Variants in NRG1 observed in about 807,000 individuals in gnomAD.
NRG1 encodes pro-neuregulin-1, membrane-bound isoform.
NRG1 carries 18 observed loss-of-function variants against 63.8 expected under a neutral mutation model. The observed-to-expected ratio is 0.28, with a 90% CI of 0.19 to 0.42. NRG1 has a LOEUF of 0.42. Among genes scored for constraint, NRG1 ranks in the 10% least tolerant of loss-of-function variants. The pLI, the probability that NRG1 is intolerant of heterozygous loss-of-function variation, is 1.00. For synonymous variants in NRG1, 302 were observed against 301.3 expected (o/e 1.00, Z -0.02); for missense variants, 762 against 814.7 (o/e 0.94, Z 0.79).
At chr8:31,979,483 T>G (rs1253856990) in intron 1 of NRG1, among the ~76,000 whole-genome samples, 1 of 152,162 alleles carries the variant, frequency 6.6e-6, no homozygotes, top group Non-Finnish European at 1.5e-5. Flanking sequence ...TCTTACTTCC[T>G]ATATAAAATC....
intron 1 of NRG1, among the ~76,000 whole-genome samples, chr8:32,312,460 C>T (rs757491288): frequency 6.6e-6 from 1 of 151,236 alleles, no homozygotes; most frequent in East Asian, 2.0e-4. Flanking sequence ...CAGGCATGAG[C>T]CACCATGCCT....
At chr8:31,764,970 A>T in intron 1 of NRG1, among the ~76,000 whole-genome samples, 1 of 141,212 alleles carries the variant, frequency 7.1e-6, no homozygotes. Flanking sequence ...ATTCCCACCT[A>T]TGAGTGAGAA....
chr8:32,420,235 T>C lies in NRG1; in HGVS notation c.38-175593T>C, dbSNP rs116449459. ...GGCACATGCTCCTCTTGTGACTTAATGGTGGCTTGTGGCTCCACTTCCCTT... is the reference window on the plus strand; with the variant it reads ...GGCACATGCTCCTCTTGTGACTTAACGGTGGCTTGTGGCTCCACTTCCCTT... On this transcript the variant is annotated intron_variant, in intron 1 of 10. Coordinates refer to the NRG1 transcript ENST00000519301. Among the ~76,000 whole-genome samples the C allele has an allele frequency of 6.9e-3, 1,056 of 152,332 alleles. 14 individuals are homozygous for C. Among genetic ancestry groups the C allele is most frequent in the African/African-American group, 0.023 (969 of 41,580 alleles).
chr8:32,728,222 A>T, intron 6 of NRG1, 144 bp downstream of exon 6: 1 of 1,458,902 alleles, frequency 6.9e-7, no homozygotes, highest in Non-Finnish European at 9.0e-7. Flanking sequence ...GTGTTTTAAA[A>T]CATTCACACC....
intron 1 of NRG1, among the ~76,000 whole-genome samples, chr8:31,996,280 A>G (rs1189190707): frequency 2.0e-5 from 3 of 152,000 alleles, no homozygotes; most frequent in Admixed American, 1.3e-4. Context: ...CAATTAAACA[A>G]AAGTCTATGT....
chr8:32,742,646 T>C lies in NRG1; in HGVS notation c.633-29T>C. ...CCTCTTCTCTTTTTCTCTGTTTTTC[T>C]ACCATTGTTTTTTTGTTTCTTCTCT... is the stretch of plus-strand genomic sequence containing the variant. On this transcript the variant is annotated intron_variant, in intron 6 of 11. Transcript: ENST00000356819. The surrounding 1 kb of genome is among the most constrained non-coding windows in gnomAD (Gnocchi z 4.2). The C allele has an allele frequency of 3.8e-6, 6 of 1,598,540 alleles. No individual in the cohort carries two copies. Among genetic ancestry groups the C allele is most frequent in the Non-Finnish European group, 5.1e-6 (6 of 1,166,292 alleles).
At chr8:32,494,883 T>C (rs1827012569) in intron 1 of NRG1, among the ~76,000 whole-genome samples, 1 of 152,174 alleles carries the variant, frequency 6.6e-6, no homozygotes, top group Non-Finnish European at 1.5e-5. Flanking sequence ...GTATGCGTCA[T>C]AAAGTCACAA....
rs117107669 is a variant in NRG1 at position 32,666,034 on chromosome 8, C to T, written c.502+49149C>T. 8.3e-3 allele frequency among the ~76,000 whole-genome samples: 1,262 copies of T among 152,296 alleles called. 7 individuals are homozygous for T. The highest frequency in any genetic ancestry group is 0.024 in the Middle Eastern group (7 of 294). Reference sequence around the variant, plus strand: ...CAGTTTCCATTACTTCTTGCTGCTGCTGTCTGATCTTGTGTTTCTTGAGGG... The same window carrying T: ...CAGTTTCCATTACTTCTTGCTGCTGTTGTCTGATCTTGTGTTTCTTGAGGG... On this transcript the variant is annotated intron_variant, in intron 5 of 11. Transcript: ENST00000356819.
chr8:32,095,983 A>G (rs1829854355), intron 1 of NRG1, among the ~76,000 whole-genome samples: 2 of 152,178 alleles, frequency 1.3e-5, no homozygotes, highest in South Asian at 4.1e-4. Context: ...GGAGACTTTG[A>G]GCTTGGAGAT....
At chr8:32,225,049 A>T (rs1846183749) in intron 1 of NRG1, among the ~76,000 whole-genome samples, 1 of 152,166 alleles carries the variant, frequency 6.6e-6, no homozygotes, top group East Asian at 1.9e-4. Flanking sequence ...AACATAAAAC[A>T]ATAGGGATTT....
chr8:32,490,356 G>A (rs1467631957), intron 1 of NRG1, among the ~76,000 whole-genome samples: 1 of 151,948 alleles, frequency 6.6e-6, no homozygotes, highest in Non-Finnish European at 1.5e-5. Flanking sequence ...TCAGAAGCCT[G>A]GGGGTGTAGC....
chr8:31,710,344 A>T lies in NRG1; in HGVS notation c.37+70913A>T, dbSNP rs115808624. The stretch of plus-strand genomic sequence containing the variant: ...TATCAATTTTAATAAATATTCCATA[A>T]ATCCATAAATATGGATTGTTGAAAA... On this transcript the variant is annotated intron_variant, in intron 1 of 10. Transcript: ENST00000519301. 6.3e-3 allele frequency among the ~76,000 whole-genome samples: 963 copies of T among 152,022 alleles called. 10 individuals are homozygous for T. Among genetic ancestry groups the T allele is most frequent in the African/African-American group, 0.022 (922 of 41,544 alleles).
intron 1 of NRG1, 133 bp from the exon 2 acceptor site, chr8:32,595,695 T>G: frequency 2.8e-6 from 2 of 706,934 alleles, no homozygotes; most frequent in Non-Finnish European, 4.3e-6. Context: ...TCATCCATTT[T>G]GAAATTGTTT....
chr8:32,618,784 G>A (rs1847821075), intron 5 of NRG1, among the ~76,000 whole-genome samples: 1 of 152,138 alleles, frequency 6.6e-6, no homozygotes, highest in Admixed American at 6.6e-5. Context: ...CCAAAAATGA[G>A]AAACAGTAGA....
rs547304260 is a variant in NRG1 at position 32,359,015 on chromosome 8, G to A, written c.38-236813G>A. On this transcript the variant is annotated intron_variant, in intron 1 of 10. Transcript: ENST00000519301. Reference sequence around the variant, plus strand: ...TTTGTAGATAACCAAAGGAAGAAACGATTGATGCAAGATTTCAGGGAGGGT... The same window carrying A: ...TTTGTAGATAACCAAAGGAAGAAACAATTGATGCAAGATTTCAGGGAGGGT... Among the ~76,000 whole-genome samples, 8 of 152,230 alleles carry A rather than the reference G, an allele frequency of 5.3e-5. No homozygotes were observed. The East Asian group carries it at 1.5e-3, about 29-fold the overall frequency.
intron 1 of NRG1, among the ~76,000 whole-genome samples, chr8:32,085,973 T>A (rs1197075857): frequency 6.6e-6 from 1 of 152,206 alleles, no homozygotes; most frequent in Non-Finnish European, 1.5e-5. Flanking sequence ...AGTCATTCCA[T>A]GCACCGTGCT....
At chr8:32,018,459 C>A (rs1815912283) in intron 1 of NRG1, among the ~76,000 whole-genome samples, 1 of 152,052 alleles carries the variant, frequency 6.6e-6, no homozygotes, top group Non-Finnish European at 1.5e-5. Context: ...AAGGTAATAG[C>A]TATTGTATTT....
At chr8:32,077,752 T>A (rs1826812982) in intron 1 of NRG1, among the ~76,000 whole-genome samples, 1 of 152,198 alleles carries the variant, frequency 6.6e-6, no homozygotes, top group Non-Finnish European at 1.5e-5. Flanking sequence ...GAAGTGAATA[T>A]GCTTAGAATT....
At chr8:32,350,567 T>G (rs539383685) in intron 1 of NRG1, among the ~76,000 whole-genome samples, 72 of 152,278 alleles carry the variant, frequency 4.7e-4, no homozygotes, top group African/African-American at 1.7e-3. Flanking sequence ...CATCTAGCAT[T>G]AGGCCTGGCA....
Sources: gnomAD v4.1 joint callset for allele counts (sites outside exome capture counted in the v4.1 genomes callset) on GRCh38, gnomAD v4.1.1 for gene constraint, Gnocchi (gnomAD v3.1) non-coding constraint, MANE v1.5 for transcripts, NCBI Gene and HGNC (gene_info 2026-07-23, HGNC 2026-07-21) for gene names.